The following DDAH1 variants were observed in gnomAD, a reference collection of about 807,000 sequenced individuals.
DDAH1 encodes the protein N(G),N(G)-dimethylarginine dimethylaminohydrolase 1.
DDAH1 carries 19 observed loss-of-function variants against 28.8 expected under a neutral mutation model. The observed-to-expected ratio is 0.66, with a 90% CI of 0.46 to 0.97. The LOEUF (loss-of-function observed/expected upper bound fraction) is 0.97, where lower values mean the gene tolerates loss of function less well. DDAH1 is among the 50% of genes least tolerant of loss of function. DDAH1 has a pLI of 0.00. For missense variants in DDAH1, 326 were observed against 375.9 expected (o/e 0.87, Z 1.10); for synonymous variants, 153 against 154.4 (o/e 0.99, Z 0.07).
At position 85,458,946 on chromosome 1, in the gene DDAH1, G is replaced by A. The variant is rs1396666911; in HGVS notation, c.303+5797C>T. 2.0e-5 allele frequency among the ~76,000 whole-genome samples: 3 copies of A among 152,116 alleles called. No homozygotes were observed. The East Asian group carries it at 5.8e-4, about 29-fold the overall frequency. On this transcript the variant is annotated intron_variant, in intron 1 of 5. Coordinates refer to ENST00000284031, the MANE Select transcript of DDAH1 (RefSeq NM_012137.4). The stretch of plus-strand genomic sequence containing the variant: ...ATATCCAGATCTCCAGTCAAAAAAT[G>A]AGGCTTTCTGAAATGGTTACAGATT...
intron 1 of DDAH1, among the ~76,000 whole-genome samples, chr1:85,430,400 A>T (rs570324024): frequency 1.3e-5 from 2 of 152,296 alleles, no homozygotes; most frequent in South Asian, 4.1e-4. Flanking sequence ...TTGGTTCCAT[A>T]TGAAATTTTA....
At chr1:85,404,217 G>C (rs1420816681) in intron 1 of DDAH1, among the ~76,000 whole-genome samples, 1 of 152,128 alleles carries the variant, frequency 6.6e-6, no homozygotes, top group African/African-American at 2.4e-5. Flanking sequence ...CAATTCGCAA[G>C]TATTGAGCAT....
At chr1:85,333,788 A>G (rs1647928488) in intron 4 of DDAH1, among the ~76,000 whole-genome samples, 3 of 152,322 alleles carry the variant, frequency 2.0e-5, no homozygotes, top group Non-Finnish European at 4.4e-5. Flanking sequence ...AATGTGACCT[A>G]TGGGCCACCA....
chr1:85,437,406 A>G (rs1174165412), intron 1 of DDAH1, among the ~76,000 whole-genome samples: 1 of 151,890 alleles, frequency 6.6e-6, no homozygotes, highest in Non-Finnish European at 1.5e-5. Context: ...TGCTTCTGCC[A>G]CCCCTGAGAC....
intron 4 of DDAH1, among the ~76,000 whole-genome samples, chr1:85,343,215 C>T (rs923542357): frequency 6.6e-6 from 1 of 152,158 alleles, no homozygotes; most frequent in Non-Finnish European, 1.5e-5. Flanking sequence ...GCACATTATT[C>T]CCTTTCTCCT....
chr1:85,402,235 C>T (rs1279956086), intron 1 of DDAH1, among the ~76,000 whole-genome samples: 2 of 147,788 alleles, frequency 1.4e-5, no homozygotes, highest in African/African-American at 5.0e-5. Flanking sequence ...CTTTTAGCCT[C>T]AGTGATCCTC....
At chr1:85,349,631 A>C (rs1388758092) in intron 4 of DDAH1, among the ~76,000 whole-genome samples, 1 of 152,212 alleles carries the variant, frequency 6.6e-6, no homozygotes, top group East Asian at 1.9e-4. Context: ...CACCTCTCTC[A>C]TTCATTTATC....
chr1:85,423,950 G>A (rs907087213), intron 1 of DDAH1, among the ~76,000 whole-genome samples: 1 of 152,002 alleles, frequency 6.6e-6, no homozygotes, highest in South Asian at 2.1e-4. Flanking sequence ...TCTGTCAAAT[G>A]TTTTTTTCTC....
At chr1:85,430,423 T>C (rs1334643029) in intron 1 of DDAH1, among the ~76,000 whole-genome samples, 1 of 152,176 alleles carries the variant, frequency 6.6e-6, no homozygotes, top group Admixed American at 6.5e-5. Context: ...TAGTTTTTTC[T>C]AATTCTGTGA....
chr1:85,345,683 G>A (rs532459857), intron 4 of DDAH1, among the ~76,000 whole-genome samples: 19 of 152,226 alleles, frequency 1.2e-4, no homozygotes, highest in African/African-American at 4.3e-4. Flanking sequence ...TGGCCAACAC[G>A]GTGAAACCCC....
chr1:85,530,560 C>T (rs1253454196), intron 1 of DDAH1, among the ~76,000 whole-genome samples: 1 of 151,714 alleles, frequency 6.6e-6, no homozygotes. Flanking sequence ...AGGACCAAAG[C>T]AAACATGAAG....
chr1:85,537,111 T>A (rs1213439299), intron 1 of DDAH1, among the ~76,000 whole-genome samples: 1 of 151,206 alleles, frequency 6.6e-6, no homozygotes, highest in East Asian at 1.9e-4. Context: ...GAGGCTGAGG[T>A]GGGCATATTG....
rs533609346 is a variant in DDAH1 at position 85,360,114 on chromosome 1, G to A, written c.304-1267C>T. Among the ~76,000 whole-genome samples, 6 of 152,314 alleles carry A rather than the reference G, an allele frequency of 3.9e-5. No individual in the cohort carries two copies. The East Asian group carries it at 9.6e-4, about 24-fold the overall frequency. On this transcript the variant is annotated intron_variant, in intron 1 of 5. Coordinates refer to ENST00000284031, the MANE Select transcript of DDAH1 (RefSeq NM_012137.4). ...ACACAGTGTGAATTGTCAGTGAAGA[G>A]TTTAAGAGACACAAATAGAGCAGAG...
At chr1:85,434,028 A>ATG (rs1653821478) in intron 1 of DDAH1, among the ~76,000 whole-genome samples, 1 of 152,198 alleles carries the variant, frequency 6.6e-6, no homozygotes, top group Non-Finnish European at 1.5e-5. Flanking sequence ...TACATTTAAG[A>ATG]TACCATATCA....
At chr1:85,393,646 T>C (rs1429913336) in intron 1 of DDAH1, among the ~76,000 whole-genome samples, 1 of 152,216 alleles carries the variant, frequency 6.6e-6, no homozygotes, top group African/African-American at 2.4e-5. Context: ...GGCTTAAAAT[T>C]CACATAACAA....
rs74098803 is a variant in DDAH1 at position 85,359,394 on chromosome 1, T to C, written c.304-547A>G. 6.0e-3 allele frequency among the ~76,000 whole-genome samples: 918 copies of C among 151,920 alleles called. 9 individuals are homozygous for C. Among genetic ancestry groups the C allele is most frequent in the African/African-American group, 0.021 (886 of 41,412 alleles). ...CCAATTCTGACCAGTTAGCACACTA[T>C]TGGAGGCTGACTAGTTAGGGCACAT... is the stretch of plus-strand genomic sequence containing the variant. On this transcript the variant is annotated intron_variant, in intron 1 of 5. Coordinates refer to ENST00000284031, the MANE Select transcript of DDAH1 (RefSeq NM_012137.4).
chr1:85,364,035 T>C (rs139346808), intron 1 of DDAH1, among the ~76,000 whole-genome samples: 2 of 152,022 alleles, frequency 1.3e-5, no homozygotes, highest in East Asian at 3.9e-4. Context: ...TAAAATGGAA[T>C]ATTTGTTGTG....
At chr1:85,422,036 A>C (rs1029194751) in intron 1 of DDAH1, among the ~76,000 whole-genome samples, 4 of 152,232 alleles carry the variant, frequency 2.6e-5, no homozygotes, top group African/African-American at 9.6e-5. Flanking sequence ...ACTAGCAATA[A>C]AAAGAGTACC....
At chr1:85,340,573 G>A (rs144327948) in intron 4 of DDAH1, among the ~76,000 whole-genome samples, 52 of 152,166 alleles carry the variant, frequency 3.4e-4, no homozygotes, top group Admixed American at 1.4e-3. Context: ...CTCACTTTCT[G>A]CACTGCCCTT....
Sources: allele counts gnomAD v4.1 joint callset (sites outside exome capture counted in the v4.1 genomes callset), GRCh38; gene constraint gnomAD v4.1.1; transcripts MANE v1.5; gene names NCBI Gene and HGNC (gene_info 2026-07-23, HGNC 2026-07-21).